FER: variants seen among roughly 807,000 people sequenced by gnomAD.
FER encodes the protein tyrosine-protein kinase Fer.
A neutral mutation model predicts 111.0 loss-of-function variants in FER; 63 were observed. The ratio of observed to expected loss-of-function variants is 0.57; its 90% CI spans 0.46 to 0.70. The LOEUF is 0.70. Ranked by LOEUF, FER falls within the 30% of genes least tolerant of loss-of-function variation. The pLI is 0.00. For missense variants in FER, 914 were observed against 954.0 expected (o/e 0.96, Z 0.55); for synonymous variants, 327 against 313.9 (o/e 1.04, Z -0.44).
At chr5:109,101,023 A>G (rs976066678) in intron 17 of FER, among the ~76,000 whole-genome samples, 11 of 152,070 alleles carry the variant, frequency 7.2e-5, no homozygotes, top group Non-Finnish European at 2.9e-5. Context: ...TCACTAATTC[A>G]TGGCATCGTA....
intron 10 of FER, among the ~76,000 whole-genome samples, chr5:108,915,195 C>T (rs184607010): frequency 4.6e-5 from 7 of 152,152 alleles, no homozygotes; most frequent in East Asian, 3.9e-4. Context: ...ACTTTTGGCC[C>T]GGCCCAGTGG....
rs145036497 is a variant in FER, at chr5:109,021,381, A to G, written c.1657-16041A>G. 8.3e-4 allele frequency among the ~76,000 whole-genome samples: 127 copies of G among 152,194 alleles called. 1 individual carries two copies. The highest frequency in any genetic ancestry group is 2.9e-3 in the African/African-American group (121 of 41,558). On this transcript the variant is annotated intron_variant, in intron 13 of 19. Transcript: ENST00000281092. Reference sequence around the variant, plus strand: ...ATGTACATTATTTTTAAAAATGCATATGCATAATATAAGGGTATACTTAAC... The same window carrying G: ...ATGTACATTATTTTTAAAAATGCATGTGCATAATATAAGGGTATACTTAAC...
chr5:108,900,262 A>C (rs1749818767), intron 10 of FER, among the ~76,000 whole-genome samples: 1 of 152,240 alleles, frequency 6.6e-6, no homozygotes, highest in South Asian at 2.1e-4. Context: ...TACAATGCCC[A>C]ATTCCTAAAA....
At chr5:108,764,677 A>G (rs1022952099) in intron 1 of FER, among the ~76,000 whole-genome samples, 8 of 152,218 alleles carry the variant, frequency 5.3e-5, no homozygotes, top group Non-Finnish European at 1.2e-4. Flanking sequence ...GATTACAGGC[A>G]TGAGCCACTG....
chr5:109,063,853 A>T (rs192258349), intron 16 of FER, among the ~76,000 whole-genome samples: 1 of 152,178 alleles, frequency 6.6e-6, no homozygotes, highest in Non-Finnish European at 1.5e-5. Context: ...GTAAGTTTCA[A>T]TTTGGGAGAA....
intron 2 of FER, among the ~76,000 whole-genome samples, chr5:108,776,771 A>G (rs890178498): frequency 2.0e-5 from 3 of 152,230 alleles, no homozygotes; most frequent in Admixed American, 6.5e-5. Flanking sequence ...TGAAAACTCA[A>G]CATGTAAGCA....
intron 17 of FER, among the ~76,000 whole-genome samples, chr5:109,102,296 TAGACCTATGCC>T (rs1748328082): frequency 1.3e-5 from 2 of 152,168 alleles, no homozygotes; most frequent in South Asian, 4.1e-4. Context: ...AGGTTGTGCA[TAGACCTATGCC>T]ATTTGCCTAC....
intron 10 of FER, among the ~76,000 whole-genome samples, chr5:108,940,467 C>T (rs911535609): frequency 1.3e-5 from 2 of 152,014 alleles, no homozygotes; most frequent in African/African-American, 2.4e-5. Flanking sequence ...TTTTAGAAAC[C>T]TCATCAGACA....
chr5:109,052,001 G>A (rs201683012), intron 16 of FER: 17 of 1,583,206 alleles, frequency 1.1e-5, no homozygotes, highest in African/African-American at 5.4e-5. Flanking sequence ...ATGTAGGTTC[G>A]CAGCAACCCC....
At chr5:108,997,366 G>A (rs532799464) in intron 13 of FER, among the ~76,000 whole-genome samples, 11 of 149,028 alleles carry the variant, frequency 7.4e-5, no homozygotes, top group South Asian at 2.1e-4. Flanking sequence ...TGCAGTGAGC[G>A]AGAGCATGCC....
chr5:108,874,214 A>G (rs1561545446), intron 8 of FER, among the ~76,000 whole-genome samples: 1 of 152,218 alleles, frequency 6.6e-6, no homozygotes, highest in South Asian at 2.1e-4. Flanking sequence ...GCTACCTGTT[A>G]TAAGCTTATG....
At chr5:108,901,598 T>A (rs1183882836) in intron 10 of FER, among the ~76,000 whole-genome samples, 2 of 152,168 alleles carry the variant, frequency 1.3e-5, no homozygotes, top group Admixed American at 1.3e-4. Flanking sequence ...TAATAATCAC[T>A]TTGTGTCTAC....
intron 16 of FER, among the ~76,000 whole-genome samples, chr5:109,049,579 A>T (rs542874826): frequency 4.0e-4 from 60 of 151,416 alleles, no homozygotes; most frequent in Admixed American, 4.6e-4. Flanking sequence ...TTTTTTTTTT[A>T]AAATGCTAAA....
intron 16 of FER, among the ~76,000 whole-genome samples, chr5:109,083,812 C>A (rs939173372): frequency 3.9e-5 from 6 of 151,930 alleles, no homozygotes; most frequent in Non-Finnish European, 1.5e-5. Context: ...GCAGGCATCC[C>A]AGACTCAAAG....
intron 16 of FER, among the ~76,000 whole-genome samples, chr5:109,048,268 A>G (rs1460610285): frequency 6.6e-6 from 1 of 152,166 alleles, no homozygotes; most frequent in East Asian, 1.9e-4. Context: ...ATTACCATGT[A>G]ACTGCAGAAT....
chr5:109,060,834 T>C (rs1261367463), intron 16 of FER, among the ~76,000 whole-genome samples: 1 of 151,102 alleles, frequency 6.6e-6, no homozygotes, highest in Non-Finnish European at 1.5e-5. Flanking sequence ...TATCTTAGAG[T>C]GCTTGACACA....
At chr5:108,766,801 G>A (rs1453334264) in intron 1 of FER, among the ~76,000 whole-genome samples, 1 of 152,190 alleles carries the variant, frequency 6.6e-6, no homozygotes, top group Non-Finnish European at 1.5e-5. Flanking sequence ...AAGAAGGGGA[G>A]AGTTTATGAT....
chr5:108,993,312 G>A (rs556217108), intron 13 of FER, among the ~76,000 whole-genome samples: 44 of 152,356 alleles, frequency 2.9e-4, no homozygotes, highest in Non-Finnish European at 4.3e-4. Context: ...CGAGGCTGGC[G>A]GATCACTCGC....
rs141057300 is a variant in FER at position 109,044,272 on chromosome 5, G to A, written c.1714-408G>A. Among the ~76,000 whole-genome samples, 1,380 of 150,834 alleles carry A rather than the reference G, an allele frequency of 9.1e-3. 18 individuals are homozygous for A. Among genetic ancestry groups the A allele is most frequent in the African/African-American group, 0.032 (1,307 of 40,954 alleles). ...CTGTTCACTGCAAGCCCTGCCTCCCGGGTTCATGCCATTCTCCTGCCTCAG... is the reference window on the plus strand; with the variant it reads ...CTGTTCACTGCAAGCCCTGCCTCCCAGGTTCATGCCATTCTCCTGCCTCAG... On this transcript the variant is annotated intron_variant, in intron 14 of 19. Coordinates refer to ENST00000281092, the MANE Select transcript of FER (RefSeq NM_005246.4).
Sources: gnomAD v4.1 joint callset for allele counts (sites outside exome capture counted in the v4.1 genomes callset) on GRCh38, gnomAD v4.1.1 for gene constraint, MANE v1.5 for transcripts, NCBI Gene and HGNC (gene_info 2026-07-23, HGNC 2026-07-21) for gene names.